Variants in ACSM6 observed in about 807,000 individuals in gnomAD.
ACSM6 encodes acyl-CoA synthetase medium chain family member 6.
A neutral mutation model predicts 51.1 loss-of-function variants in ACSM6; 35 were observed. The observed-to-expected ratio is 0.69, with a 90% CI of 0.52 to 0.91. The LOEUF (loss-of-function observed/expected upper bound fraction) is 0.91, where lower values mean the gene tolerates loss of function less well. Ranked by LOEUF, ACSM6 falls within the 40% of genes least tolerant of loss-of-function variation. The pLI, the probability that ACSM6 is intolerant of heterozygous loss-of-function variation, is 0.00. For missense variants in ACSM6, 509 were observed against 584.1 expected (o/e 0.87, Z 1.32); for synonymous variants, 172 against 207.3 (o/e 0.83, Z 1.46).
chr10:95,207,948 C>A (rs2034859257), intron 4 of ACSM6, among the ~76,000 whole-genome samples: 1 of 152,006 alleles, frequency 6.6e-6, no homozygotes, highest in Admixed American at 6.5e-5. Context: ...CGAGACCAGC[C>A]TGGCCAACAT....
chr10:95,195,601 G>T (rs2034716572), intron 2 of ACSM6, among the ~76,000 whole-genome samples: 1 of 152,170 alleles, frequency 6.6e-6, no homozygotes, highest in Non-Finnish European at 1.5e-5. Flanking sequence ...TGGGGCTGGT[G>T]GTGCCCGCAG....
chr10:95,202,444 C>T (rs144576433), intron 3 of ACSM6, among the ~76,000 whole-genome samples: 93 of 152,276 alleles, frequency 6.1e-4, no homozygotes, highest in African/African-American at 2.1e-3. Context: ...ATTTATAGAA[C>T]TGTTACGGTC....
chr10:95,203,857 T>TAA (rs34969526), intron 3 of ACSM6, among the ~76,000 whole-genome samples: 166 of 106,862 alleles, frequency 1.6e-3, no homozygotes, highest in South Asian at 4.0e-3. Context: ...ATGCTAGATT[T>TAA]AAAAAAAAAA....
chr10:95,200,744 G>A (rs969524674), intron 2 of ACSM6, among the ~76,000 whole-genome samples: 2 of 151,520 alleles, frequency 1.3e-5, no homozygotes, highest in Admixed American at 1.3e-4. Flanking sequence ...TGTAAAGGAA[G>A]AAAGAAGTTA....
chr10:95,209,104 G>A (rs1206801721), intron 4 of ACSM6, among the ~76,000 whole-genome samples: 1 of 152,060 alleles, frequency 6.6e-6, no homozygotes, highest in African/African-American at 2.4e-5. Flanking sequence ...TAAATAAATT[G>A]GTCTGATGTG....
At chr10:95,206,782 G>C (rs542524943) in intron 3 of ACSM6, among the ~76,000 whole-genome samples, 1 of 152,266 alleles carries the variant, frequency 6.6e-6, no homozygotes, top group East Asian at 1.9e-4. Context: ...AAGAAGAGAG[G>C]CAGGAAGGTC....
chr10:95,204,665 A>T (rs1382889061), intron 3 of ACSM6, among the ~76,000 whole-genome samples: 1 of 152,230 alleles, frequency 6.6e-6, no homozygotes, highest in Non-Finnish European at 1.5e-5. Context: ...GTTAAATGTC[A>T]TAACTCTACC....
intron 2 of ACSM6, among the ~76,000 whole-genome samples, chr10:95,198,389 G>A (rs950529529): frequency 1.5e-4 from 23 of 152,316 alleles, no homozygotes; most frequent in Non-Finnish European, 2.6e-4. Context: ...AGTGGATCAC[G>A]CCTGTAATCC....
chr10:95,228,855 G>T, exon 11 of ACSM6: 1 of 1,337,428 alleles, frequency 7.5e-7, no homozygotes, highest in Non-Finnish European at 9.8e-7. Flanking sequence ...CTTCCAATAC[G>T]TAGGAATTAT....
At chr10:95,211,372 C>G (rs2034891253) in intron 5 of ACSM6, among the ~76,000 whole-genome samples, 1 of 152,208 alleles carries the variant, frequency 6.6e-6, no homozygotes, top group Admixed American at 6.5e-5. Flanking sequence ...GGTTAAGTTT[C>G]CCCACCTTAC....
chr10:95,207,389 G>A, exon 4 of ACSM6: 1 of 1,614,182 alleles, frequency 6.2e-7, no homozygotes, highest in Non-Finnish European at 8.5e-7. Context: ...GCTATGATGG[G>A]TGGTTGGATT....
intron 4 of ACSM6, among the ~76,000 whole-genome samples, chr10:95,207,779 A>G (rs1452795941): frequency 5.4e-5 from 7 of 130,310 alleles, no homozygotes; most frequent in Admixed American, 5.1e-4. Flanking sequence ...AAACTTATAT[A>G]TAGACTATAT....
chr10:95,201,459 C>T (rs1476037186), intron 2 of ACSM6: 6 of 455,296 alleles, frequency 1.3e-5, no homozygotes, highest in Non-Finnish European at 2.6e-5. Flanking sequence ...CCTTCAGCTC[C>T]ATCCATGTTG....
intron 5 of ACSM6, 120 bp downstream of exon 5, chr10:95,210,913 T>C: frequency 1.6e-6 from 2 of 1,232,142 alleles, no homozygotes; most frequent in Non-Finnish European, 2.2e-6. Context: ...AGTGTCAATA[T>C]TGAGAGAAGG....
intron 8 of ACSM6, among the ~76,000 whole-genome samples, chr10:95,219,607 A>G (rs1193380274): frequency 6.6e-6 from 1 of 152,000 alleles, no homozygotes; most frequent in Non-Finnish European, 1.5e-5. Context: ...TGAATTTGTT[A>G]TTTTAAAAAA....
chr10:95,209,939 T>C (rs1181671117), intron 4 of ACSM6, among the ~76,000 whole-genome samples: 1 of 152,252 alleles, frequency 6.6e-6, no homozygotes, highest in East Asian at 1.9e-4. Context: ...AGGTGAGTCA[T>C]GCAAGTGCCT....
chr10:95,207,908 A>G (rs1001466180), intron 4 of ACSM6, among the ~76,000 whole-genome samples: 4 of 152,144 alleles, frequency 2.6e-5, no homozygotes, highest in African/African-American at 7.2e-5. Context: ...TGGGAGGCCA[A>G]GGTGGGCAGA....
chr10:95,220,417 T>A (rs1489152225), intron 9 of ACSM6, among the ~76,000 whole-genome samples: 3 of 152,208 alleles, frequency 2.0e-5, no homozygotes, highest in Non-Finnish European at 4.4e-5. Context: ...CCAAATGATG[T>A]AGCTGAATTC....
chr10:95,221,537 G>T (rs918096082), intron 9 of ACSM6, among the ~76,000 whole-genome samples: 1 of 151,998 alleles, frequency 6.6e-6, no homozygotes, highest in Non-Finnish European at 1.5e-5. Context: ...AGGGAGCCAA[G>T]ATCATGCCAC....
Sources: allele counts gnomAD v4.1 joint callset (sites outside exome capture counted in the v4.1 genomes callset), GRCh38; gene constraint gnomAD v4.1.1; transcripts MANE v1.5; gene names NCBI Gene and HGNC (gene_info 2026-07-23, HGNC 2026-07-21).